LANCL1: variants seen among roughly 807,000 people sequenced by gnomAD.
LANCL1 encodes LanC like glutathione S-transferase 1.
LANCL1 carries 50 observed loss-of-function variants against 50.6 expected under a neutral mutation model. That is an observed-to-expected ratio of 0.99 (90% CI 0.79 to 1.25). The LOEUF is 1.25. Ranked by LOEUF, LANCL1 falls within the 50% of genes most tolerant of loss-of-function variation. LANCL1 has a pLI of 0.00. For missense variants in LANCL1, 532 were observed against 480.7 expected (o/e 1.11, Z -1.00); for synonymous variants, 188 against 178.6 (o/e 1.05, Z -0.42).
chr2:210,458,728 T>TG (rs566911613), intron 3 of LANCL1, among the ~76,000 whole-genome samples: 160 of 152,280 alleles, frequency 1.1e-3, no homozygotes, highest in African/African-American at 3.8e-3. Flanking sequence ...ACCCCTCTGT[T>TG]GGAGAATCAG....
At chr2:210,474,739 A>AAAATAAAT (rs78940796) in intron 2 of LANCL1, among the ~76,000 whole-genome samples, 69,562 of 147,862 alleles carry the variant, frequency 0.47, 16,832 homozygotes, top group East Asian at 0.6. Flanking sequence ...AATAAAAATA[A>AAAATAAAT]AAATAAATAA....
At chr2:210,475,204 A>C (rs1182356476) in intron 2 of LANCL1, among the ~76,000 whole-genome samples, 1 of 152,248 alleles carries the variant, frequency 6.6e-6, no homozygotes, top group Non-Finnish European at 1.5e-5. Flanking sequence ...TTTGACAGGG[A>C]TGAAATCTGT....
intron 3 of LANCL1, among the ~76,000 whole-genome samples, chr2:210,458,506 G>A (rs561932433): frequency 1.3e-5 from 2 of 152,290 alleles, no homozygotes; most frequent in Admixed American, 1.3e-4. Context: ...GATGCAGGAG[G>A]AACAGTTAGG....
chr2:210,469,990 T>C (rs1411998334), intron 3 of LANCL1, among the ~76,000 whole-genome samples: 2 of 146,870 alleles, frequency 1.4e-5, no homozygotes, highest in African/African-American at 5.1e-5. Flanking sequence ...TGGCAAGGAA[T>C]AACAAAATAA....
intron 4 of LANCL1, among the ~76,000 whole-genome samples, chr2:210,443,124 C>A (rs1367140672): frequency 6.6e-6 from 1 of 152,158 alleles, no homozygotes; most frequent in Non-Finnish European, 1.5e-5. Context: ...AAAGCCCCAC[C>A]CTTTTCATCA....
chr2:210,435,282 T>A, intron 9 of LANCL1, 105 bp downstream of exon 9: 1 of 794,190 alleles, frequency 1.3e-6, no homozygotes, highest in Non-Finnish European at 2.1e-6. Flanking sequence ...AAAAGTAGTT[T>A]AAGAATAATT....
chr2:210,458,273 T>C (rs566015152), intron 3 of LANCL1, among the ~76,000 whole-genome samples: 67 of 152,302 alleles, frequency 4.4e-4, no homozygotes, highest in African/African-American at 1.4e-3. Flanking sequence ...TTTAGATGTA[T>C]TGCCATGTCC....
intron 4 of LANCL1, 132 bp downstream of exon 4, chr2:210,454,975 T>C (rs902826492): frequency 5.7e-6 from 4 of 699,242 alleles, no homozygotes; most frequent in Admixed American, 5.6e-5. Context: ...AATATGACAA[T>C]TGATCAAATG....
upstream of LANCL1, chr2:210,476,908 C>G (rs1157531824): frequency 1.5e-6 from 1 of 681,090 alleles, no homozygotes. Context: ...AAGTGAGGAC[C>G]TAGAATCACG....
intron 4 of LANCL1, among the ~76,000 whole-genome samples, chr2:210,453,559 C>T (rs982464322): frequency 6.6e-5 from 10 of 152,172 alleles, no homozygotes; most frequent in Non-Finnish European, 1.5e-4. Context: ...TCTCACATAG[C>T]AAACTATTAA....
At chr2:210,461,082 G>C (rs10932333) in intron 3 of LANCL1, among the ~76,000 whole-genome samples, 1 of 152,110 alleles carries the variant, frequency 6.6e-6, no homozygotes, top group East Asian at 1.9e-4. Flanking sequence ...CAAGCCTTCT[G>C]GGTGTTGGCT....
intron 5 of LANCL1, among the ~76,000 whole-genome samples, 195 bp from the exon 6 acceptor site, chr2:210,440,939 T>C (rs946816765): frequency 2.6e-5 from 4 of 152,184 alleles, no homozygotes; most frequent in African/African-American, 9.7e-5. Flanking sequence ...GGGGAGGGCG[T>C]AGAGGATCTT....
At chr2:210,446,890 C>T (rs1240524071) in intron 4 of LANCL1, among the ~76,000 whole-genome samples, 8 of 152,094 alleles carry the variant, frequency 5.3e-5, no homozygotes, top group African/African-American at 7.2e-5. Flanking sequence ...TACCTGAAAG[C>T]GACGGGGAGA....
chr2:210,457,325 AT>A (rs1693702352), intron 3 of LANCL1, among the ~76,000 whole-genome samples: 1 of 152,224 alleles, frequency 6.6e-6, no homozygotes, highest in African/African-American at 2.4e-5. Flanking sequence ...ATAGAAAATA[AT>A]AGAATGTGTC....
chr2:210,444,092 C>A (rs1035180325), intron 4 of LANCL1, among the ~76,000 whole-genome samples: 5 of 152,164 alleles, frequency 3.3e-5, no homozygotes, highest in Non-Finnish European at 7.3e-5. Flanking sequence ...CAGAATTGGG[C>A]ACCCACTTGT....
chr2:210,473,736 G>C (rs765054192), intron 2 of LANCL1, among the ~76,000 whole-genome samples: 1 of 152,112 alleles, frequency 6.6e-6, no homozygotes, highest in African/African-American at 2.4e-5. Flanking sequence ...ACCACATCTG[G>C]ATTATTTAAT....
chr2:210,471,741 T>C (rs1694229540), intron 3 of LANCL1: 2 of 739,186 alleles, frequency 2.7e-6, no homozygotes, highest in Non-Finnish European at 5.0e-6. Flanking sequence ...ATGAATTACA[T>C]GAATATGCTT....
At chr2:210,440,515 G>T in intron 6 of LANCL1, 83 bp downstream of exon 6, 1 of 1,318,560 alleles carries the variant, frequency 7.6e-7, no homozygotes. Context: ...TGACAAACTA[G>T]AACTAGAATA....
rs1158916196 is a variant in LANCL1 at position 210,431,552 on chromosome 2, C to T, written c.*2935G>A. On this transcript the variant is annotated 3_prime_UTR_variant, in exon 10 of 10. Coordinates refer to ENST00000450366, the MANE Select transcript of LANCL1 (RefSeq NM_006055.3). ...CCAAAGGAGTATACATGTAAATAGT[C>T]ACTCTTCACATTTTCTATTTCTAAA... 1 of 152,174 alleles carries T rather than the reference C, an allele frequency of 6.6e-6. No homozygotes were observed. The highest frequency in any genetic ancestry group is 6.5e-5 in the Admixed American group (1 of 15,288). 9.4% of individuals were successfully genotyped at this position (152,174 alleles called of 1,614,324 possible).
Sources: allele counts gnomAD v4.1 joint callset (sites outside exome capture counted in the v4.1 genomes callset), GRCh38; gene constraint gnomAD v4.1.1; transcripts MANE v1.5; gene names NCBI Gene and HGNC (gene_info 2026-07-23, HGNC 2026-07-21).